RTN1: variants seen among roughly 807,000 people sequenced by gnomAD.
RTN1 encodes the protein reticulon 1, also known as reticulon-1.
A neutral mutation model predicts 65.5 loss-of-function variants in RTN1; 25 were observed. The ratio of observed to expected loss-of-function variants is 0.38; its 90% CI spans 0.28 to 0.53. RTN1 has a LOEUF of 0.53. Ranked by LOEUF, RTN1 falls within the 20% of genes least tolerant of loss-of-function variation. RTN1 has a pLI of 0.79. For synonymous variants in RTN1, 471 were observed against 447.6 expected, an observed-to-expected ratio of 1.05 and a Z score of -0.66; for missense variants, 983 against 1,025.4, an observed-to-expected ratio of 0.96 and a Z score of 0.57.
intron 1 of RTN1, among the ~76,000 whole-genome samples, chr14:59,842,762 T>G (rs1887336883): frequency 6.6e-6 from 1 of 152,220 alleles, no homozygotes; most frequent in Non-Finnish European, 1.5e-5. Flanking sequence ...AATTACATCT[T>G]GGAACACCTC....
intron 3 of RTN1, among the ~76,000 whole-genome samples, chr14:59,673,674 A>C (rs1183511628): frequency 6.6e-6 from 1 of 152,152 alleles, no homozygotes; most frequent in Non-Finnish European, 1.5e-5. Flanking sequence ...ACTGGTTAAA[A>C]GGCATCATCC....
At chr14:59,863,149 C>T (rs1887738823) in intron 1 of RTN1, among the ~76,000 whole-genome samples, 1 of 152,088 alleles carries the variant, frequency 6.6e-6, no homozygotes, top group South Asian at 2.1e-4. Context: ...CCAATCTTTC[C>T]CTGACTACTG....
chr14:59,622,539 T>C (rs1805834264), intron 3 of RTN1, among the ~76,000 whole-genome samples: 2 of 152,212 alleles, frequency 1.3e-5, no homozygotes, highest in South Asian at 2.1e-4. Flanking sequence ...CAAACCTCAG[T>C]TGTTTCCAAC....
At position 59,870,052 on chromosome 14, in the gene RTN1, G is replaced by C. The variant is rs965216004; in HGVS notation, c.241+338C>G. Among the ~76,000 whole-genome samples the C allele has an allele frequency of 6.6e-6, 1 of 152,160 alleles. No homozygotes were observed. Among genetic ancestry groups the C allele is most frequent in the African/African-American group, 2.4e-5 (1 of 41,446 alleles). On this transcript the variant is annotated intron_variant, in intron 1 of 8. Transcript: ENST00000267484. The surrounding 1 kb of genome is among the most constrained non-coding windows in gnomAD (Gnocchi z 5.1). Reference sequence around the variant, plus strand: ...ACCTGTCAAACGGGCCCTACAGCTCGGAGCCTCCTGGCAGGAGGGAGAAAC... The same window carrying C: ...ACCTGTCAAACGGGCCCTACAGCTCCGAGCCTCCTGGCAGGAGGGAGAAAC...
chr14:59,756,352 T>C (rs1006374141), intron 1 of RTN1, among the ~76,000 whole-genome samples: 4 of 152,180 alleles, frequency 2.6e-5, no homozygotes, highest in Non-Finnish European at 5.9e-5. Flanking sequence ...GTGCCTAAAA[T>C]CCTATATAGA....
chr14:59,860,735 C>A (rs1887693996), intron 1 of RTN1, among the ~76,000 whole-genome samples: 1 of 152,162 alleles, frequency 6.6e-6, no homozygotes, highest in African/African-American at 2.4e-5. Flanking sequence ...ATCAGTGTGA[C>A]CTGGTTGCCC....
At chr14:59,808,129 C>T in intron 1 of RTN1, among the ~76,000 whole-genome samples, 1 of 152,152 alleles carries the variant, frequency 6.6e-6, no homozygotes, top group East Asian at 1.9e-4. Flanking sequence ...TATAGATTAA[C>T]TGCTTACCTT....
rs1264917279 is a variant in RTN1, at chr14:59,766,954, T to G, written c.242-20473A>C. ...TGAGCACCTACTATGTGGTAGGTAC[T>G]TATTCTAGTTTCTGGGGATTTAACA... On this transcript the variant is annotated intron_variant, in intron 1 of 8. Coordinates refer to ENST00000267484, the MANE Select transcript of RTN1 (RefSeq NM_021136.3). The surrounding 1 kb of genome is among the most constrained non-coding windows in gnomAD (Gnocchi z 4.4). Among the ~76,000 whole-genome samples the G allele has an allele frequency of 6.6e-6, 1 of 152,226 alleles. No individual in the cohort carries two copies. Among genetic ancestry groups the G allele is most frequent in the African/African-American group, 2.4e-5 (1 of 41,466 alleles).
intron 1 of RTN1, among the ~76,000 whole-genome samples, chr14:59,824,451 A>G (rs150968816): frequency 4.7e-4 from 71 of 152,274 alleles, no homozygotes; most frequent in Middle Eastern, 6.8e-3. Flanking sequence ...TAGAGGGTGG[A>G]GAGTTCACTC....
At chr14:59,691,782 A>G (rs1883967103) in intron 3 of RTN1, among the ~76,000 whole-genome samples, 1 of 152,228 alleles carries the variant, frequency 6.6e-6, no homozygotes, top group Admixed American at 6.5e-5. Context: ...GATTTAACAT[A>G]TGTGCATTAA....
chr14:59,780,721 G>A (rs1886139216), intron 1 of RTN1, among the ~76,000 whole-genome samples: 1 of 152,156 alleles, frequency 6.6e-6, no homozygotes, highest in South Asian at 2.1e-4. Flanking sequence ...AAGGACTGAG[G>A]AGGCTGTGGA....
intron 1 of RTN1, among the ~76,000 whole-genome samples, chr14:59,813,010 T>C (rs1438116504): frequency 6.6e-6 from 1 of 152,140 alleles, no homozygotes; most frequent in Non-Finnish European, 1.5e-5. Context: ...TATGCTGACT[T>C]CTCCTAGAAT....
intron 1 of RTN1, among the ~76,000 whole-genome samples, 197 bp from the exon 2 acceptor site, chr14:59,746,678 T>A (rs1885236134): frequency 6.6e-6 from 1 of 152,124 alleles, no homozygotes; most frequent in African/African-American, 2.4e-5. Flanking sequence ...CTTGTGGTAT[T>A]TTTCCAGTAA....
At chr14:59,647,290 A>G (rs548050133) in intron 3 of RTN1, among the ~76,000 whole-genome samples, 1 of 152,374 alleles carries the variant, frequency 6.6e-6, no homozygotes, top group African/African-American at 2.4e-5. Flanking sequence ...GGACACCCAG[A>G]TTCACAAAGC....
chr14:59,691,583 T>C (rs113110922), intron 3 of RTN1, among the ~76,000 whole-genome samples: 18 of 152,194 alleles, frequency 1.2e-4, no homozygotes, highest in African/African-American at 3.6e-4. Flanking sequence ...ACTCATTCTA[T>C]AAAGACACCA....
At chr14:59,839,415 C>T (rs1887270316) in intron 1 of RTN1, among the ~76,000 whole-genome samples, 2 of 152,128 alleles carry the variant, frequency 1.3e-5, no homozygotes, top group African/African-American at 4.8e-5. Context: ...ATTGTTATTT[C>T]AAAGTCATGC....
intron 2 of RTN1, among the ~76,000 whole-genome samples, chr14:59,738,898 A>G (rs1025200348): frequency 2.6e-5 from 4 of 152,208 alleles, no homozygotes; most frequent in Non-Finnish European, 5.9e-5. Context: ...CTAATGCAGG[A>G]ACAGAAAACC....
intron 3 of RTN1, among the ~76,000 whole-genome samples, chr14:59,718,919 C>G (rs921869577): frequency 2.0e-5 from 3 of 152,174 alleles, no homozygotes; most frequent in African/African-American, 7.2e-5. Flanking sequence ...AAGTCCATCT[C>G]CAAAGCATAT....
chr14:59,713,292 G>A (rs1209243418), intron 3 of RTN1, among the ~76,000 whole-genome samples: 1 of 152,204 alleles, frequency 6.6e-6, no homozygotes, highest in African/African-American at 2.4e-5. Context: ...AGGACCTCAG[G>A]CATGGGGTTG....
Sources: allele counts gnomAD v4.1 joint callset (sites outside exome capture counted in the v4.1 genomes callset), GRCh38; gene constraint gnomAD v4.1.1; non-coding constraint Gnocchi (gnomAD v3.1); transcripts MANE v1.5; gene names NCBI Gene and HGNC (gene_info 2026-07-23, HGNC 2026-07-21).